The following CPXM1 variants were observed in gnomAD, a reference collection of about 807,000 sequenced individuals.
The protein encoded by CPXM1 is probable carboxypeptidase X1.
A neutral mutation model predicts 80.4 loss-of-function variants in CPXM1; 72 were observed. The observed-to-expected ratio is 0.90, with a 90% CI of 0.74 to 1.09. CPXM1 has a LOEUF of 1.09. Among genes scored for constraint, CPXM1 ranks in the 50% least tolerant of loss-of-function variants. CPXM1 has a pLI of 0.00. For missense variants in CPXM1, 892 were observed against 999.4 expected (o/e 0.89, Z 1.45); for synonymous variants, 403 against 405.6 (o/e 0.99, Z 0.08).
intron 3 of CPXM1, 30 bp from the exon 4 acceptor site, chr20:2,798,321 C>T (rs1482061918): frequency 6.2e-7 from 1 of 1,611,834 alleles, no homozygotes. Context: ...TGGTCAGGCC[C>T]AGTTGGACAG....
At position 2,797,346 on chromosome 20, in the gene CPXM1, G is replaced by A. The variant is rs961300183; in HGVS notation, c.682-4C>T. The A allele has an allele frequency of 6.8e-7, 1 of 1,480,260 alleles. No homozygotes were observed. The highest frequency in any genetic ancestry group is 8.9e-7 in the Non-Finnish European group (1 of 1,117,646). 91.7% of individuals were successfully genotyped at this position (1,480,260 alleles called of 1,614,324 possible). A position where few individuals can be genotyped will look rare whatever the true frequency, so the allele number is the denominator to read the frequency against. ...GGTCTGAATTGGCAGGAAATACCTG[G>A]GGGCAGCAAGTTCTCTGTTGTGGCT... is the stretch of plus-strand genomic sequence containing the variant. On this transcript the variant is annotated splice_region_variant and splice_polypyrimidine_tract_variant and intron_variant, in intron 5 of 13. Coordinates refer to ENST00000380605, the MANE Select transcript of CPXM1 (RefSeq NM_019609.5).
At position 2,795,801 on chromosome 20, in the gene CPXM1, G is replaced by A; in HGVS notation, c.1518C>T (p.Tyr506=). The A allele has an allele frequency of 2.5e-6, 4 of 1,612,376 alleles. No homozygotes were observed. Among genetic ancestry groups the A allele is most frequent in the Non-Finnish European group, 3.4e-6 (4 of 1,180,012 alleles). The change falls in exon 11 of 14, where the codon TAC becomes TAT. Residue 506 remains tyrosine, a synonymous_variant. Transcript: ENST00000380605. The surrounding 1 kb of genome is among the most constrained non-coding windows in gnomAD (Gnocchi z 5.4). Reference sequence around the variant, plus strand: ...ACGGGGTGCGAGTCATGTCGAATGGGTAGGACACCACGAGCTCACCCCCGT... The same window carrying A: ...ACGGGGTGCGAGTCATGTCGAATGGATAGGACACCACGAGCTCACCCCCGT... ...NLHGGELVVS[Y]PFDMTRTPWA... is the part of the protein sequence containing the mutation.
In CPXM1 at chr20:2,797,024, A is replaced by G. The variant is rs768590289; in HGVS notation, c.903T>C (p.Asn301=). The change falls in exon 7 of 14, where the codon AAT becomes AAC. Residue 301 remains asparagine, a synonymous_variant. Coordinates refer to ENST00000380605, the MANE Select transcript of CPXM1 (RefSeq NM_019609.5). ...ATCTGACCTTCCTCATGGCCTTGTAATTGTGATGCTGAAAGTCTAGAGGGT... is the reference window on the plus strand; with the variant it reads ...ATCTGACCTTCCTCATGGCCTTGTAGTTGTGATGCTGAAAGTCTAGAGGGT... The part of the protein sequence containing the change: ...SSDPLDFQHH[N]YKAMRKLMKQ... The G allele has an allele frequency of 6.2e-6, 10 of 1,613,872 alleles. No homozygotes were observed. In the South Asian group the frequency reaches 1.1e-4, roughly 18 times the overall value.
At chr20:2,798,590 A>G in intron 2 of CPXM1, 53 bp from the exon 3 acceptor site, 1 of 1,570,530 alleles carries the variant, frequency 6.4e-7, no homozygotes, top group Non-Finnish European at 8.7e-7. Context: ...TAGCCAGGGC[A>G]GGTGGGAAGC....
Position 2,795,288 on chromosome 20 carries a change from A to G in CPXM1, c.1849T>C (p.Tyr617His). Reference protein sequence around the residue: ...WENNKDALLTYLEQVRMGIAG... With the variant: ...WENNKDALLTHLEQVRMGIAG... ...GACGCAGATCCGACCTGCTCCAGGT[A>G]GGTGAGGAGGGCGTCTTTGTTGTTC... Residue 617 changes from tyrosine (Y) to histidine (H), a missense_variant, in exon 12 of 14, where the codon TAC (tyrosine) becomes CAC (histidine). Tyr to His is a moderately conservative substitution (Grantham distance 83). Coordinates refer to ENST00000380605, the MANE Select transcript of CPXM1 (RefSeq NM_019609.5). This position sits in a 1 kb window ranked among gnomAD's most constrained non-coding sequence, Gnocchi z 5.4. 1 of 1,613,918 alleles carries G rather than the reference A, an allele frequency of 6.2e-7. No homozygotes were observed. The highest frequency in any genetic ancestry group is 8.5e-7 in the Non-Finnish European group (1 of 1,179,972).
intron 1 of CPXM1, 33 bp from the exon 2 acceptor site, chr20:2,798,926 G>A: frequency 1.9e-6 from 3 of 1,597,970 alleles, no homozygotes; most frequent in Non-Finnish European, 2.6e-6. Context: ...ATGGGGGAAA[G>A]GAAGAATGGT....
chr20:2,800,334 G>C (rs571787457), intron 1 of CPXM1, 67 bp downstream of exon 1: 4 of 1,366,046 alleles, frequency 2.9e-6, no homozygotes, highest in Non-Finnish European at 3.8e-6. Flanking sequence ...GGGAGGGATC[G>C]CCCCACGGGG....
Position 2,795,365 on chromosome 20 carries a change from T to C in CPXM1, c.1772A>G (p.Glu591Gly). The change falls in exon 12 of 14, where the codon GAG becomes GGG. Residue 591 changes from glutamate to glycine, a missense_variant. Coordinates refer to ENST00000380605, the MANE Select transcript of CPXM1 (RefSeq NM_019609.5). This position sits in a 1 kb window ranked among gnomAD's most constrained non-coding sequence, Gnocchi z 5.4. ...GTGAGGGAACTTGTCACAGGACAGC[T>C]CCACAGTGACCTCAAAGCAGTTGGT... ...LHTNCFEVTV[E>G]LSCDKFPHEN... The C allele has an allele frequency of 6.2e-7, 1 of 1,614,178 alleles. No homozygotes were observed. Among genetic ancestry groups the C allele is most frequent in the Non-Finnish European group, 8.5e-7 (1 of 1,180,022 alleles).
rs772437048 is a variant in CPXM1, at chr20:2,797,037, A to T, written c.890T>A (p.Phe297Tyr). The T allele has an allele frequency of 1.9e-6, 3 of 1,614,042 alleles. No individual in the cohort carries two copies. The highest frequency in any genetic ancestry group is 3.3e-5 in the Admixed American group (2 of 60,022). The change falls in exon 7 of 14, where the codon TTT (phenylalanine) becomes TAT (tyrosine). Residue 297 changes from phenylalanine to tyrosine, a missense_variant. Physicochemically the swap from Phe to Tyr is conservative, Grantham distance 22. Transcript: ENST00000380605. ...PASGSSDPLD[F>Y]QHHNYKAMRK... is the part of the protein sequence containing the mutation. ...CATGGCCTTGTAATTGTGATGCTGA[A>T]AGTCTAGAGGGTCAGAGGATCCCGA...
chr20:2,799,676 C>G (rs755217571), intron 1 of CPXM1, among the ~76,000 whole-genome samples: 2 of 152,196 alleles, frequency 1.3e-5, no homozygotes, highest in Non-Finnish European at 2.9e-5. Context: ...CTCCACTTGC[C>G]TCCTCTAGAA....
At position 2,794,522 on chromosome 20, in the gene CPXM1, C is replaced by A. The variant is rs1293289202; in HGVS notation, c.1963+15G>T. 2 of 1,613,834 alleles carry A rather than the reference C, an allele frequency of 1.2e-6. No homozygotes were observed. Among genetic ancestry groups the A allele is most frequent in the Admixed American group, 3.3e-5 (2 of 59,994 alleles). On this transcript the variant is annotated intron_variant, in intron 13 of 13. Transcript: ENST00000380605. The surrounding 1 kb of genome is among the most constrained non-coding windows in gnomAD (Gnocchi z 5.2). ...GCCCTCCAGCCCCTTCCCTTGCCCTCCCGGTCAAACACACCCGTGGTCACG... is the reference window on the plus strand; with the variant it reads ...GCCCTCCAGCCCCTTCCCTTGCCCTACCGGTCAAACACACCCGTGGTCACG...
At position 2,795,190 on chromosome 20, in the gene CPXM1, C is replaced by T. The variant is rs2088491413; in HGVS notation, c.1860+87G>A. On this transcript the variant is annotated intron_variant, in intron 12 of 13. Coordinates refer to ENST00000380605, the MANE Select transcript of CPXM1 (RefSeq NM_019609.5). This position sits in a 1 kb window ranked among gnomAD's most constrained non-coding sequence, Gnocchi z 5.4. The stretch of plus-strand genomic sequence containing the variant: ...TTGTGAGTCTGAATGCTCAGCTGGA[C>T]CTTAGAAGAACCCCTGGTAGGAGCT... 2 of 1,491,098 alleles carry T rather than the reference C, an allele frequency of 1.3e-6. No individual in the cohort carries two copies. Among genetic ancestry groups the T allele is most frequent in the African/African-American group, 2.8e-5 (2 of 72,382 alleles). 92.4% of individuals were successfully genotyped at this position (1,491,098 alleles called of 1,614,324 possible).
chr20:2,799,147 A>C (rs968633146), intron 1 of CPXM1, among the ~76,000 whole-genome samples: 1 of 152,106 alleles, frequency 6.6e-6, no homozygotes, highest in Non-Finnish European at 1.5e-5. Flanking sequence ...AATCCAATGG[A>C]GAGCTGCACC....
At position 2,795,721 on chromosome 20, in the gene CPXM1, C is replaced by T. The variant is rs776576915; in HGVS notation, c.1598G>A (p.Ser533Asn). ...CAGATTACTGCCAGCATAGACAGTG[C>T]TGAGCCAGCGAAACACAGCATCATC... ...TPDDAVFRWL[S>N]TVYAGSNLAM... Residue 533 changes from serine to asparagine, a missense_variant, in exon 11 of 14, where the codon AGC (serine) becomes AAC (asparagine). This residue lies in a region of CPXM1 where 874 missense variants were observed against 958.4 expected (regional missense o/e 0.91). Transcript: ENST00000380605. This position sits in a 1 kb window ranked among gnomAD's most constrained non-coding sequence, Gnocchi z 5.4. The T allele has an allele frequency of 3.6e-5, 58 of 1,613,828 alleles. No homozygotes were observed. The highest frequency in any genetic ancestry group is 4.6e-5 in the Non-Finnish European group (54 of 1,180,050).
rs778174770 is a variant in CPXM1 at position 2,798,163 on chromosome 20, G to T, written c.579C>A (p.Asn193Lys). The T allele has an allele frequency of 6.2e-7, 1 of 1,614,026 alleles. No homozygotes were observed. The highest frequency in any genetic ancestry group is 8.5e-7 in the Non-Finnish European group (1 of 1,180,034). The change falls in exon 4 of 14, where the codon AAC becomes AAA. Residue 193 changes from asparagine to lysine, a missense_variant. Asn to Lys is a moderately conservative substitution (Grantham distance 94). This residue lies in a region of CPXM1 where 874 missense variants were observed against 958.4 expected (regional missense o/e 0.91). Coordinates refer to ENST00000380605, the MANE Select transcript of CPXM1 (RefSeq NM_019609.5). ...TTAGTCTGCCTCACCTCCAGACAGAGTTCCTGCCCTGTGTGATAACACCCG... is the reference window on the plus strand; with the variant it reads ...TTAGTCTGCCTCACCTCCAGACAGATTTCCTGCCCTGTGTGATAACACCCG... ...RFSGVITQGR[N>K]SVWRYDWVTS... is the part of the protein sequence containing the mutation.
At chr20:2,797,581 G>A (rs188686708) in intron 5 of CPXM1, among the ~76,000 whole-genome samples, 4 of 152,322 alleles carry the variant, frequency 2.6e-5, no homozygotes, top group East Asian at 1.9e-4. Flanking sequence ...CACATGACTC[G>A]GGGGAAGCCA....
rs1478966854 is a variant in CPXM1, at chr20:2,794,654, G to A, written c.1861-15C>T. 6.3e-7 allele frequency: 1 copy of A among 1,591,460 alleles called. No homozygotes were observed. ...CCCATGCGCACCTGTGTGGGAAGAG[G>A]TTATCAGAGCCCTTCCCCTTCGGCA... is the stretch of plus-strand genomic sequence containing the variant. On this transcript the variant is annotated splice_polypyrimidine_tract_variant and intron_variant, in intron 12 of 13. Coordinates refer to ENST00000380605, the MANE Select transcript of CPXM1 (RefSeq NM_019609.5). This position sits in a 1 kb window ranked among gnomAD's most constrained non-coding sequence, Gnocchi z 5.2.
chr20:2,794,551 T>C lies in CPXM1; in HGVS notation c.1949A>G (p.His650Arg). Reference sequence around the variant, plus strand: ...GTCAAACACACCCGTGGTCACGTCATGGTTAATCCCATCCACGGCAATGAC... The same window carrying C: ...GTCAAACACACCCGTGGTCACGTCACGGTTAATCCCATCCACGGCAATGAC... ...DAVIAVDGIN[H>R]DVTTAWGGDY... Residue 650 changes from histidine to arginine, a missense_variant, in exon 13 of 14, where the codon CAT becomes CGT. Physicochemically the swap from His to Arg is conservative, Grantham distance 29. Transcript: ENST00000380605. This position sits in a 1 kb window ranked among gnomAD's most constrained non-coding sequence, Gnocchi z 5.2. The C allele has an allele frequency of 1.9e-6, 3 of 1,614,070 alleles. No individual in the cohort carries two copies. The highest frequency in any genetic ancestry group is 1.7e-6 in the Non-Finnish European group (2 of 1,180,016).
chr20:2,795,968 C>T lies in CPXM1; in HGVS notation c.1422+14G>A. The T allele has an allele frequency of 6.2e-7, 1 of 1,601,514 alleles. No individual in the cohort carries two copies. Among genetic ancestry groups the T allele is most frequent in the Non-Finnish European group, 8.5e-7 (1 of 1,171,994 alleles). ...CCCCCCACAGACCTCCACTGCCGCCCTCAAAATACTCACGGTGGCATTGGG... is the reference window on the plus strand; with the variant it reads ...CCCCCCACAGACCTCCACTGCCGCCTTCAAAATACTCACGGTGGCATTGGG... On this transcript the variant is annotated intron_variant, in intron 10 of 13. Transcript: ENST00000380605. The surrounding 1 kb of genome is among the most constrained non-coding windows in gnomAD (Gnocchi z 5.4).
Sources: gnomAD v4.1 joint callset for allele counts (sites outside exome capture counted in the v4.1 genomes callset) on GRCh38, gnomAD v4.1.1 for gene constraint, gnomAD v4.1.1 regional missense constraint, Gnocchi (gnomAD v3.1) non-coding constraint, MANE v1.5 for transcripts, NCBI Gene and HGNC (gene_info 2026-07-23, HGNC 2026-07-21) for gene names.